The following PODN variants were observed in gnomAD, a reference collection of about 807,000 sequenced individuals.
PODN encodes podocan, also known as podocan proteoglycan.
PODN carries 40 observed loss-of-function variants against 52.7 expected under a neutral mutation model. That is an observed-to-expected ratio of 0.76 (90% CI 0.59 to 0.99). The LOEUF is 0.99. Ranked by LOEUF, PODN falls within the 50% of genes least tolerant of loss-of-function variation. PODN has a pLI of 0.00. For missense variants in PODN, 720 were observed against 815.1 expected, an observed-to-expected ratio of 0.88 and a Z score of 1.42; for synonymous variants, 396 against 377.9, an observed-to-expected ratio of 1.05 and a Z score of -0.56.
intron 9 of PODN, 109 bp downstream of exon 9, chr1:53,080,985 C>T: frequency 7.0e-7 from 1 of 1,419,212 alleles, no homozygotes; most frequent in African/African-American, 1.4e-5. Context: ...GCCTGTGTAA[C>T]CACGGCTCAG....
intron 4 of PODN, among the ~76,000 whole-genome samples, chr1:53,075,584 C>A (rs1351652138): frequency 3.9e-5 from 6 of 152,232 alleles, no homozygotes; most frequent in Non-Finnish European, 5.9e-5. Context: ...AAAAGCCACA[C>A]CCACCTCTGC....
chr1:53,079,165 C>A (rs1268172120), intron 8 of PODN, 143 bp downstream of exon 8: 13 of 1,171,406 alleles, frequency 1.1e-5, no homozygotes, highest in Non-Finnish European at 1.5e-5. Flanking sequence ...AGCTCATTCA[C>A]CTTCAGGTAT....
chr1:53,070,244 C>T, intron 2 of PODN, 77 bp downstream of exon 2: 11 of 1,573,532 alleles, frequency 7.0e-6, no homozygotes, highest in South Asian at 1.1e-5. Flanking sequence ...CCCTGACACT[C>T]CAAGCAAACT....
chr1:53,076,020 C>CT, intron 5 of PODN, 49 bp downstream of exon 5: 1 of 1,435,592 alleles, frequency 7.0e-7, no homozygotes, highest in Non-Finnish European at 9.6e-7. Flanking sequence ...AGGGGAGGGG[C>CT]TGAGGTGGAG....
chr1:53,083,915 G>A (rs547341994), intron 10 of PODN, among the ~76,000 whole-genome samples: 83 of 152,244 alleles, frequency 5.5e-4, no homozygotes, highest in African/African-American at 1.8e-3. Context: ...AGGGGCTGCC[G>A]GGCCACTGTT....
chr1:53,062,540 G>A (rs1643973193), intron 1 of PODN, among the ~76,000 whole-genome samples: 2 of 152,244 alleles, frequency 1.3e-5, no homozygotes, highest in Non-Finnish European at 2.9e-5. Context: ...TCTCTGAGCA[G>A]AGGCTGGTCC....
intron 9 of PODN, 49 bp from the exon 10 acceptor site, chr1:53,081,931 GT>G: frequency 6.5e-7 from 1 of 1,549,126 alleles, no homozygotes; most frequent in Non-Finnish European, 8.7e-7. Context: ...GGAAGGGAGG[GT>G]TCCTTGGGGG....
chr1:53,081,593 C>T (rs146945736), intron 9 of PODN, among the ~76,000 whole-genome samples: 35 of 152,320 alleles, frequency 2.3e-4, no homozygotes, highest in African/African-American at 7.9e-4. Context: ...CTGGCCTTGC[C>T]TTTGTGCCAC....
chr1:53,079,594 G>T (rs1644253006), intron 8 of PODN, among the ~76,000 whole-genome samples: 1 of 152,174 alleles, frequency 6.6e-6, no homozygotes, highest in Admixed American at 6.5e-5. Flanking sequence ...GCTTTCTGAG[G>T]CTGGCCAGTC....
chr1:53,077,714 G>C lies in PODN; in HGVS notation c.768G>C (p.Gly256=), dbSNP rs1644216991. The C allele has an allele frequency of 1.9e-6, 3 of 1,613,454 alleles. No individual in the cohort carries two copies. Among genetic ancestry groups the C allele is most frequent in the African/African-American group, 2.7e-5 (2 of 74,898 alleles). The change falls in exon 7 of 11, where the codon GGG becomes GGC. Residue 256 remains glycine, a synonymous_variant. Transcript: ENST00000312553. ...KNNKLEKIPP[G]AFSELSSLRE... ...ACAAGCTGGAGAAGATCCCCCCGGG[G>C]GCCTTCAGCGAGCTGAGCAGCCTGC...
At chr1:53,064,902 AAC>A (rs995567563) in intron 1 of PODN, among the ~76,000 whole-genome samples, 1 of 152,220 alleles carries the variant, frequency 6.6e-6, no homozygotes, top group Non-Finnish European at 1.5e-5. Context: ...CCATATGAGA[AAC>A]ACTCACTGCT....
At chr1:53,072,952 C>T (rs1644141791) in intron 3 of PODN, 2 of 196,814 alleles carry the variant, frequency 1.0e-5, no homozygotes, top group Non-Finnish European at 2.2e-5. Context: ...ATCCGAGCTA[C>T]TCAGGAGGCT....
Position 53,078,613 on chromosome 1 carries a change from A to G in PODN, c.1103A>G (p.Asn368Ser), listed in dbSNP as rs1644233970. Residue 368 changes from asparagine to serine, a missense_variant, in exon 8 of 11, where the codon AAC (asparagine) becomes AGC (serine). Physicochemically the swap from Asn to Ser is conservative, Grantham distance 46. Transcript: ENST00000312553. Reference protein sequence around the residue: ...LKRLHTVHLYNNALERVPSGL... With the variant: ...LKRLHTVHLYSNALERVPSGL... ...CGGTTGCACACGGTGCACCTGTACA[A>G]CAACGCGCTGGAGCGCGTGCCCAGT... 1.2e-6 allele frequency: 2 copies of G among 1,612,950 alleles called. No homozygotes were observed. The highest frequency in any genetic ancestry group is 8.5e-7 in the Non-Finnish European group (1 of 1,180,004).
chr1:53,067,762 A>T (rs1572257923), intron 1 of PODN, among the ~76,000 whole-genome samples: 1 of 152,166 alleles, frequency 6.6e-6, no homozygotes, highest in African/African-American at 2.4e-5. Flanking sequence ...CACAAAATTT[A>T]AAAATTTGGC....
rs536083522 is a variant in PODN, at chr1:53,078,889, G to A, written c.1379G>A (p.Arg460His). The change falls in exon 8 of 11, where the codon CGC becomes CAC. Residue 460 changes from arginine to histidine, a missense_variant. Transcript: ENST00000312553. ...AATGTCCATGTGCTGAAGGTCAAGC[G>A]CAATGAGCTGGCTGCCTTGGCACGA... The part of the protein sequence containing the change: ...PRNVHVLKVK[R>H]NELAALARGA... 12 of 1,610,868 alleles carry A rather than the reference G, an allele frequency of 7.4e-6. No individual in the cohort carries two copies. The highest frequency in any genetic ancestry group is 5.3e-5 in the African/African-American group (4 of 75,006).
Position 53,069,879 on chromosome 1 carries a change from G to A in PODN, c.24G>A (p.Leu8=). The change falls in exon 2 of 11, where the codon CTG becomes CTA. Residue 8 remains leucine, a synonymous_variant. Coordinates refer to ENST00000312553, the MANE Select transcript of PODN (RefSeq NM_153703.5). MAQSRVL[L]LLLLLPPQLH... is the part of the protein sequence containing the mutation. ...CCATGGCCCAGAGCCGGGTGCTGCT[G>A]CTCCTGCTGCTGCTGCCGCCACAGC... The A allele has an allele frequency of 1.3e-6, 2 of 1,566,668 alleles. No homozygotes were observed. The highest frequency in any genetic ancestry group is 1.8e-4 in the Middle Eastern group (1 of 5,528).
At chr1:53,073,038 G>A in intron 3 of PODN, 2 of 222,172 alleles carry the variant, frequency 9.0e-6, no homozygotes, top group South Asian at 1.6e-4. Flanking sequence ...CTCCAGTCTG[G>A]GCAATAAGAG....
intron 1 of PODN, among the ~76,000 whole-genome samples, chr1:53,067,382 C>T (rs868767549): frequency 4.6e-4 from 70 of 152,170 alleles, no homozygotes; most frequent in African/African-American, 1.6e-3. Context: ...TTATTGGTAC[C>T]GGGGTCTGTT....
Position 53,075,839 on chromosome 1 carries a change from G to A in PODN, c.472-23G>A, listed in dbSNP as rs559739868. 6.1e-5 allele frequency: 96 copies of A among 1,566,032 alleles called. 1 individual carries two copies. The East Asian group carries it at 9.1e-4, about 15-fold the overall frequency. Reference sequence around the variant, plus strand: ...GCCTCTGCTCCTCCATTGCTCTTTCGGCCCCAACTCTTCCCTTCCCAGCTG... The same window carrying A: ...GCCTCTGCTCCTCCATTGCTCTTTCAGCCCCAACTCTTCCCTTCCCAGCTG... On this transcript the variant is annotated intron_variant, in intron 4 of 10. Transcript: ENST00000312553.
Sources: allele counts gnomAD v4.1 joint callset (sites outside exome capture counted in the v4.1 genomes callset), GRCh38; gene constraint gnomAD v4.1.1; transcripts MANE v1.5; gene names NCBI Gene and HGNC (gene_info 2026-07-23, HGNC 2026-07-21).